Variants in ATG5 observed in about 807,000 individuals in gnomAD.
ATG5 encodes the protein autophagy related 5.
In ATG5, 14 loss-of-function variants were observed where a neutral mutation model predicts 36.5. The ratio of observed to expected loss-of-function variants is 0.38; its 90% CI spans 0.25 to 0.60. The LOEUF (loss-of-function observed/expected upper bound fraction) is 0.60, where lower values mean the gene tolerates loss of function less well. ATG5 is among the 20% of genes least tolerant of loss of function. The probability of loss-of-function intolerance (pLI) is 0.60; values close to 1 mark genes in which losing one functional copy is unlikely to be tolerated. For missense variants in ATG5, 195 were observed against 326.7 expected, an observed-to-expected ratio of 0.60 and a Z score of 3.11; for synonymous variants, 95 against 101.5, an observed-to-expected ratio of 0.94 and a Z score of 0.38.
At chr6:106,225,700 CTG>C (rs1777427456) in intron 6 of ATG5, among the ~76,000 whole-genome samples, 1 of 152,120 alleles carries the variant, frequency 6.6e-6, no homozygotes, top group African/African-American at 2.4e-5. Context: ...TCTCAGAAAA[CTG>C]TCATTATTTG....
intron 5 of ATG5, among the ~76,000 whole-genome samples, chr6:106,260,874 C>A (rs757253939): frequency 1.3e-5 from 2 of 152,188 alleles, no homozygotes; most frequent in African/African-American, 4.8e-5. Context: ...CTGGTCTATA[C>A]AGGCCAAGTT....
chr6:106,293,132 GAAAATA>G, intron 3 of ATG5, 26 bp from the exon 4 acceptor site: 2 of 1,583,218 alleles, frequency 1.3e-6, no homozygotes, highest in Non-Finnish European at 1.7e-6. Context: ...TATATTTTGA[GAAAATA>G]AATATTTAAA....
chr6:106,302,932 C>T (rs1003548466), intron 3 of ATG5, among the ~76,000 whole-genome samples: 4 of 151,932 alleles, frequency 2.6e-5, no homozygotes, highest in African/African-American at 7.3e-5. Context: ...GCTTGTACAA[C>T]ATTGTGAATG....
At chr6:106,269,618 C>T (rs996524082) in intron 5 of ATG5, among the ~76,000 whole-genome samples, 1 of 152,194 alleles carries the variant, frequency 6.6e-6, no homozygotes, top group Non-Finnish European at 1.5e-5. Context: ...GCTGGGGGAC[C>T]CAGTACACCC....
intron 6 of ATG5, among the ~76,000 whole-genome samples, chr6:106,228,981 C>T (rs1262045446): frequency 1.3e-5 from 2 of 152,274 alleles, no homozygotes; most frequent in African/African-American, 4.8e-5. Context: ...CGGTTGAGAT[C>T]ATGTCGCAGC....
chr6:106,324,314 A>G (rs1300153395), intron 1 of ATG5, among the ~76,000 whole-genome samples: 1 of 152,240 alleles, frequency 6.6e-6, no homozygotes, highest in African/African-American at 2.4e-5. Flanking sequence ...AATAATGCAG[A>G]GTTGAACTAA....
chr6:106,204,909 C>T (rs1032763918), intron 6 of ATG5, among the ~76,000 whole-genome samples: 1 of 152,058 alleles, frequency 6.6e-6, no homozygotes, highest in Admixed American at 6.5e-5. Context: ...CAAGTTGAAA[C>T]CAAGAACAAT....
chr6:106,186,725 GA>G, intron 7 of ATG5, 49 bp from the exon 8 acceptor site: 1 of 1,591,286 alleles, frequency 6.3e-7, no homozygotes, highest in Non-Finnish European at 8.6e-7. Context: ...AACAGTTGAA[GA>G]AAAAATAATC....
chr6:106,209,111 G>A (rs901131906), intron 6 of ATG5, among the ~76,000 whole-genome samples: 3 of 152,176 alleles, frequency 2.0e-5, no homozygotes, highest in Non-Finnish European at 4.4e-5. Context: ...CTCAGGAAAG[G>A]AGTATGGCAG....
intron 2 of ATG5, among the ~76,000 whole-genome samples, chr6:106,315,870 A>G (rs544733379): frequency 1.3e-5 from 2 of 152,228 alleles, no homozygotes; most frequent in African/African-American, 2.4e-5. Flanking sequence ...TAAGGAAAAC[A>G]AAGTCCAGAA....
At chr6:106,309,961 T>C (rs1412363282) in intron 2 of ATG5, among the ~76,000 whole-genome samples, 1 of 152,150 alleles carries the variant, frequency 6.6e-6, no homozygotes, top group Non-Finnish European at 1.5e-5. Context: ...TGGGTATGGA[T>C]ATATCAGCTC....
At chr6:106,257,655 ATATT>A (rs1456597231) in intron 5 of ATG5, among the ~76,000 whole-genome samples, 1 of 152,194 alleles carries the variant, frequency 6.6e-6, no homozygotes, top group Non-Finnish European at 1.5e-5. Flanking sequence ...AAAGATGGTA[ATATT>A]TATCTAATTC....
chr6:106,229,762 C>T (rs1174796605), intron 6 of ATG5, among the ~76,000 whole-genome samples: 3 of 152,194 alleles, frequency 2.0e-5, no homozygotes, highest in Non-Finnish European at 2.9e-5. Context: ...CAGTGACCTG[C>T]GGATGGCCCA....
At chr6:106,245,695 A>T (rs140990253) in intron 6 of ATG5, among the ~76,000 whole-genome samples, 2 of 152,250 alleles carry the variant, frequency 1.3e-5, no homozygotes, top group East Asian at 3.9e-4. Flanking sequence ...TTTCAGTAAA[A>T]ATTATGCCCT....
intron 7 of ATG5, among the ~76,000 whole-genome samples, chr6:106,198,335 T>C (rs1776282974): frequency 6.6e-6 from 1 of 152,220 alleles, no homozygotes; most frequent in Non-Finnish European, 1.5e-5. Flanking sequence ...TTTTACTAAA[T>C]TCCTTTATAT....
chr6:106,317,510 G>A (rs1038774481), intron 1 of ATG5, among the ~76,000 whole-genome samples: 1 of 152,122 alleles, frequency 6.6e-6, no homozygotes, highest in East Asian at 1.9e-4. Flanking sequence ...CTACAGGTAC[G>A]TAAACTGCAA....
chr6:106,274,483 G>T (rs527315956), intron 5 of ATG5, among the ~76,000 whole-genome samples: 4 of 152,132 alleles, frequency 2.6e-5, no homozygotes, highest in Non-Finnish European at 4.4e-5. Flanking sequence ...CTGTTGTTTA[G>T]CTGTTATAAT....
intron 4 of ATG5, among the ~76,000 whole-genome samples, chr6:106,291,174 A>G (rs56222587): frequency 1.2e-3 from 190 of 152,360 alleles, no homozygotes; most frequent in African/African-American, 4.4e-3. Flanking sequence ...GGCATGCAAC[A>G]GAGGAGCTTT....
chr6:106,268,135 C>G (rs1779298129), intron 5 of ATG5, among the ~76,000 whole-genome samples: 1 of 152,108 alleles, frequency 6.6e-6, no homozygotes. Flanking sequence ...ATCTACCTAT[C>G]AGACAAAGGT....
Sources: gnomAD v4.1 joint callset for allele counts (sites outside exome capture counted in the v4.1 genomes callset) on GRCh38, gnomAD v4.1.1 for gene constraint, MANE v1.5 for transcripts, NCBI Gene and HGNC (gene_info 2026-07-23, HGNC 2026-07-21) for gene names.